Variants in CCNYL1 observed in about 807,000 individuals in gnomAD.
CCNYL1 encodes the protein cyclin-Y-like protein 1.
Under a neutral mutation model 44.2 loss-of-function variants are expected in CCNYL1, and 16 were observed. That is an observed-to-expected ratio of 0.36 (90% confidence interval 0.25 to 0.55). The LOEUF is 0.55. Among genes scored for constraint, CCNYL1 ranks in the 20% least tolerant of loss-of-function variants. CCNYL1 has a pLI of 0.85. For missense variants in CCNYL1, 348 were observed against 451.8 expected (o/e 0.77, Z 2.08); for synonymous variants, 159 against 163.2 (o/e 0.97, Z 0.20).
chr2:207,727,873 G>A lies in CCNYL1; in HGVS notation c.330+997G>A, dbSNP rs373388895. On this transcript the variant is annotated intron_variant, in intron 3 of 9. Transcript: ENST00000295414. ...TCTTGTTATCCTTCCTAGTTTTACC[G>A]GAGTACATTTTCCTGGGAAAGGGCC... is the stretch of plus-strand genomic sequence containing the variant. Among the ~76,000 whole-genome samples the A allele has an allele frequency of 8.6e-5, 13 of 152,038 alleles. No individual in the cohort carries two copies. The South Asian group carries it at 2.3e-3, about 27-fold the overall frequency.
At chr2:207,714,075 GAGTT>G (rs2091574151) in intron 1 of CCNYL1, among the ~76,000 whole-genome samples, 1 of 152,240 alleles carries the variant, frequency 6.6e-6, no homozygotes, top group African/African-American at 2.4e-5. Flanking sequence ...AAGAAATAAA[GAGTT>G]AGGTATGTAG....
intron 7 of CCNYL1, among the ~76,000 whole-genome samples, chr2:207,742,948 G>T (rs2091822498): frequency 6.6e-6 from 1 of 152,144 alleles, no homozygotes; most frequent in South Asian, 2.1e-4. Context: ...CCTCCATACA[G>T]AATTCCTATG....
chr2:207,721,738 T>TG (rs978795318), intron 1 of CCNYL1, among the ~76,000 whole-genome samples: 1 of 152,024 alleles, frequency 6.6e-6, no homozygotes, highest in Non-Finnish European at 1.5e-5. Flanking sequence ...TTTTTTGTTT[T>TG]TTTTTTTTTT....
At chr2:207,722,283 C>T (rs2091646064) in intron 1 of CCNYL1, among the ~76,000 whole-genome samples, 1 of 151,992 alleles carries the variant, frequency 6.6e-6, no homozygotes, top group African/African-American at 2.4e-5. Context: ...CTGGGTTGGT[C>T]AGGCTGGTCT....
In CCNYL1 at chr2:207,711,836, G is replaced by A. The variant is rs1271680052; in HGVS notation, c.-61G>A. On this transcript the variant is annotated 5_prime_UTR_variant, in exon 1 of 10. Transcript: ENST00000295414. ...GCCATTGTTGGGGGAGGGGGCGGCT[G>A]TTGAGGGCGGCGGAGTAGGGGGCGA... 7 of 1,206,330 alleles carry A rather than the reference G, an allele frequency of 5.8e-6. No individual in the cohort carries two copies. Among genetic ancestry groups the A allele is most frequent in the African/African-American group, 1.6e-5 (1 of 62,306 alleles). 74.7% of individuals were successfully genotyped at this position (1,206,330 alleles called of 1,614,324 possible). A position where few individuals can be genotyped will look rare whatever the true frequency, so the allele number is the denominator to read the frequency against.
rs532028301 is a variant in CCNYL1 at position 207,750,449 on chromosome 2, T to C, written c.807-508T>C. Among the ~76,000 whole-genome samples the C allele has an allele frequency of 1.1e-4, 17 of 152,248 alleles. No homozygotes were observed. The East Asian group carries it at 1.9e-3, about 17-fold the overall frequency. On this transcript the variant is annotated intron_variant, in intron 8 of 9. Transcript: ENST00000295414. ...GAATCCTTGTTGCCTCAAGAGTTTT[T>C]CCCCCTCAGAGATAATAGCAGTGGC... is the stretch of plus-strand genomic sequence containing the variant.
Position 207,726,879 on chromosome 2 carries a change from A to G in CCNYL1, c.330+3A>G. 1.3e-6 allele frequency: 2 copies of G among 1,548,534 alleles called. No homozygotes were observed. Among genetic ancestry groups the G allele is most frequent in the Non-Finnish European group, 1.7e-6 (2 of 1,155,176 alleles). On this transcript the variant is annotated splice_donor_region_variant and intron_variant, in intron 3 of 9. Transcript: ENST00000295414. ...GGAAGAGCAACCATTTGAACCATGT[A>G]AGTAAACAGTTGGAAAGCTAAGAAA...
In CCNYL1 at chr2:207,728,211, G is replaced by A. The variant is rs1190099918; in HGVS notation, c.330+1335G>A. The stretch of plus-strand genomic sequence containing the variant: ...ACTCCTGACCTCAGGTGATCTGCCC[G>A]CCTTGGCCTCCCAAAGTGGGGATTA... On this transcript the variant is annotated intron_variant, in intron 3 of 9. Coordinates refer to ENST00000295414, the MANE Select transcript of CCNYL1 (RefSeq NM_001330218.2). 4.0e-5 allele frequency among the ~76,000 whole-genome samples: 6 copies of A among 151,402 alleles called. No homozygotes were observed. In the South Asian group the frequency reaches 6.2e-4, roughly 16 times the overall value.
At chr2:207,727,042 G>A (rs187238364) in intron 3 of CCNYL1, among the ~76,000 whole-genome samples, 166 bp downstream of exon 3, 23 of 152,254 alleles carry the variant, frequency 1.5e-4, no homozygotes, top group Admixed American at 1.0e-3. Context: ...ATGCAGGAAA[G>A]TCTTTGACTT....
Position 207,712,022 on chromosome 2 carries a change from G to A in CCNYL1, c.126G>A (p.Ala42=). 1.3e-6 allele frequency: 2 copies of A among 1,496,156 alleles called. No individual in the cohort carries two copies. Among genetic ancestry groups the A allele is most frequent in the South Asian group, 1.3e-5 (1 of 76,798 alleles). The allele number at this position is 1,496,156 out of a possible 1,614,324, so 92.7% of individuals were successfully genotyped here. The change falls in exon 1 of 10, where the codon GCG becomes GCA. Residue 42 remains alanine, a synonymous_variant. Transcript: ENST00000295414. ...IYEAVSGDAV[A]VAPAVVEPAE... Reference sequence around the variant, plus strand: ...AGGCGGTGTCCGGGGACGCGGTGGCGGTAGCGCCCGCTGTGGTGGAGCCTG... The same window carrying A: ...AGGCGGTGTCCGGGGACGCGGTGGCAGTAGCGCCCGCTGTGGTGGAGCCTG...
intron 2 of CCNYL1, among the ~76,000 whole-genome samples, chr2:207,725,756 T>G (rs908242844): frequency 1.3e-5 from 2 of 152,366 alleles, no homozygotes; most frequent in East Asian, 3.9e-4. Context: ...TACATTTTCC[T>G]TGTCCTGCTT....
chr2:207,744,203 A>T (rs560445841), intron 7 of CCNYL1, among the ~76,000 whole-genome samples: 1 of 151,718 alleles, frequency 6.6e-6, no homozygotes, highest in South Asian at 2.1e-4. Flanking sequence ...CAGCCAGACA[A>T]GTGCCAAGAC....
intron 3 of CCNYL1, among the ~76,000 whole-genome samples, chr2:207,727,964 CTT>C (rs535485306): frequency 3.3e-4 from 47 of 140,918 alleles, no homozygotes; most frequent in Admixed American, 6.4e-4. Context: ...CTCTCTCTCT[CTT>C]TTTTTTTTTT....
At chr2:207,727,271 T>C (rs2091687135) in intron 3 of CCNYL1, among the ~76,000 whole-genome samples, 1 of 152,226 alleles carries the variant, frequency 6.6e-6, no homozygotes, top group African/African-American at 2.4e-5. Flanking sequence ...GTGACCTTAT[T>C]TTCTTCCCTC....
At chr2:207,730,302 A>G (rs1280595028) in intron 3 of CCNYL1, among the ~76,000 whole-genome samples, 2 of 152,050 alleles carry the variant, frequency 1.3e-5, no homozygotes, top group Admixed American at 6.6e-5. Flanking sequence ...GTTTCACTCT[A>G]CCTTCCAAGG....
chr2:207,724,738 A>G (rs760180232), intron 1 of CCNYL1, 62 bp from the exon 2 acceptor site: 7 of 1,178,880 alleles, frequency 5.9e-6, no homozygotes, highest in Non-Finnish European at 6.3e-6. Flanking sequence ...ATGTGTATCT[A>G]TTTCAGAAAT....
Position 207,726,867 on chromosome 2 carries a change from T to C in CCNYL1, c.321T>C (p.His107=). Residue 107 remains histidine (H), a synonymous_variant, in exon 3 of 10, where the codon CAT becomes CAC. Transcript: ENST00000295414. ...TGCGAGAAAAGAGGAAGAGCAACCATTTGAACCATGTAAGTAAACAGTTGG... is the reference window on the plus strand; with the variant it reads ...TGCGAGAAAAGAGGAAGAGCAACCACTTGAACCATGTAAGTAAACAGTTGG... ...TDVREKRKSN[H]LNHVSPGQLT... 1 of 1,560,302 alleles carries C rather than the reference T, an allele frequency of 6.4e-7. No homozygotes were observed. Among genetic ancestry groups the C allele is most frequent in the East Asian group, 2.4e-5 (1 of 41,482 alleles).
intron 1 of CCNYL1, among the ~76,000 whole-genome samples, chr2:207,713,806 A>G (rs1163120967): frequency 1.3e-5 from 2 of 152,242 alleles, no homozygotes. Flanking sequence ...GAAAGAATGA[A>G]CAAATATATT....
At chr2:207,713,501 G>C (rs111883792) in intron 1 of CCNYL1, among the ~76,000 whole-genome samples, 35 of 152,282 alleles carry the variant, frequency 2.3e-4, no homozygotes, top group African/African-American at 8.2e-4. Context: ...TAGAATTTTG[G>C]AAAGAGATAA....
Sources: gnomAD v4.1 joint callset for allele counts (sites outside exome capture counted in the v4.1 genomes callset) on GRCh38, gnomAD v4.1.1 for gene constraint, MANE v1.5 for transcripts, NCBI Gene and HGNC (gene_info 2026-07-23, HGNC 2026-07-21) for gene names.